Variants in CACNA1B observed in about 807,000 individuals in gnomAD.
CACNA1B encodes calcium voltage-gated channel subunit alpha1 B.
In CACNA1B, 70 loss-of-function variants were observed where a neutral mutation model predicts 247.2. That is an observed-to-expected ratio of 0.28 (90% CI 0.23 to 0.35). The LOEUF is 0.35. CACNA1B is among the 10% of genes least tolerant of loss of function. The probability of loss-of-function intolerance (pLI) is 1.00; values close to 1 mark genes in which losing one functional copy is unlikely to be tolerated. For missense variants in CACNA1B, 2,367 were observed against 3,197.4 expected, an observed-to-expected ratio of 0.74 and a Z score of 6.26; for synonymous variants, 1,231 against 1,294.4, an observed-to-expected ratio of 0.95 and a Z score of 1.05.
chr9:137,970,920 C>T (rs956821264), intron 10 of CACNA1B, among the ~76,000 whole-genome samples: 1 of 152,202 alleles, frequency 6.6e-6, no homozygotes, highest in African/African-American at 2.4e-5. Context: ...GCTTAGAAAA[C>T]AGGCAGCCCA....
chr9:138,070,158 C>G (rs560224920), intron 32 of CACNA1B, among the ~76,000 whole-genome samples: 2 of 152,336 alleles, frequency 1.3e-5, no homozygotes, highest in African/African-American at 2.4e-5. Flanking sequence ...TGTTGCGCAG[C>G]CATCTCCCAC....
intron 20 of CACNA1B, chr9:138,032,804 AT>A (rs747453449): frequency 1.0e-4 from 39 of 385,342 alleles, no homozygotes; most frequent in African/African-American, 8.4e-4. Flanking sequence ...TGCTTTCAAG[AT>A]TTTTTTCCTT....
At position 137,888,620 on chromosome 9, in the gene CACNA1B, A is replaced by C. The variant is rs766707234; in HGVS notation, c.530+5737A>C. 7.3e-4 allele frequency among the ~76,000 whole-genome samples: 111 copies of C among 152,258 alleles called. 1 individual carries two copies. The highest frequency in any genetic ancestry group is 1.5e-3 in the Non-Finnish European group (104 of 67,994). On this transcript the variant is annotated intron_variant, in intron 3 of 46. Transcript: ENST00000371372. This position sits in a 1 kb window ranked among gnomAD's most constrained non-coding sequence, Gnocchi z 4.7. ...TTAAACTGGGATTTCTTTCCAGGAC[A>C]TGTAATTAGAGCCCAGCTTTCTCCC...
rs555674530 is a variant in CACNA1B at position 137,917,886 on chromosome 9, A to G, written c.966+455A>G. ...AAGCTGACTAACTTTCTCCAGCCCG[A>G]GGACCATGGGCAGCTGTTGCTGTGC... On this transcript the variant is annotated intron_variant, in intron 6 of 46. Coordinates refer to ENST00000371372, the MANE Select transcript of CACNA1B (RefSeq NM_000718.4). The surrounding 1 kb of genome is among the most constrained non-coding windows in gnomAD (Gnocchi z 5.5). Among the ~76,000 whole-genome samples the G allele has an allele frequency of 2.6e-5, 4 of 152,324 alleles. No homozygotes were observed. In the East Asian group the frequency reaches 5.8e-4, roughly 22 times the overall value.
chr9:137,920,594 T>G (rs1343368985), intron 6 of CACNA1B, among the ~76,000 whole-genome samples: 1 of 152,230 alleles, frequency 6.6e-6, no homozygotes, highest in East Asian at 1.9e-4. Flanking sequence ...GTCATGGGCT[T>G]GTCCAAATTA....
chr9:137,951,489 C>T (rs759471975), intron 6 of CACNA1B, among the ~76,000 whole-genome samples: 11 of 152,180 alleles, frequency 7.2e-5, no homozygotes, highest in African/African-American at 1.2e-4. Context: ...CGTCCAGGAA[C>T]GGGACTAGGG....
chr9:137,973,924 C>T lies in CACNA1B; in HGVS notation c.1544-1983C>T, dbSNP rs1242986092. On this transcript the variant is annotated intron_variant, in intron 11 of 46. Transcript: ENST00000371372. The surrounding 1 kb of genome is among the most constrained non-coding windows in gnomAD (Gnocchi z 4.1). The stretch of plus-strand genomic sequence containing the variant: ...TTGCAAAGTGCTCTCACTTTGGTCT[C>T]CTGGGGAGCAAGGTGTGTGCCTGGG... 1.3e-5 allele frequency among the ~76,000 whole-genome samples: 2 copies of T among 152,170 alleles called. No homozygotes were observed. The highest frequency in any genetic ancestry group is 2.9e-5 in the Non-Finnish European group (2 of 68,022).
intron 20 of CACNA1B, among the ~76,000 whole-genome samples, chr9:138,035,853 T>G (rs1283150548): frequency 6.6e-6 from 1 of 152,220 alleles, no homozygotes; most frequent in Non-Finnish European, 1.5e-5. Context: ...TTTAAAACTT[T>G]AAGTTTCTCT....
At chr9:138,087,397 A>AG (rs1960729001) in intron 36 of CACNA1B, among the ~76,000 whole-genome samples, 1 of 145,416 alleles carries the variant, frequency 6.9e-6, no homozygotes, top group South Asian at 2.1e-4. Context: ...AAAAAAAAAA[A>AG]AAAAAAGAAA....
intron 36 of CACNA1B, among the ~76,000 whole-genome samples, chr9:138,079,387 G>T (rs908845300): frequency 6.6e-6 from 1 of 152,120 alleles, no homozygotes; most frequent in South Asian, 2.1e-4. Flanking sequence ...GGAGTGGGCG[G>T]AGAGAGGAAG....
rs140545490 is a variant in CACNA1B at position 138,037,675 on chromosome 9, A to T, written c.3287-6099A>T. Among the ~76,000 whole-genome samples, 892 of 152,108 alleles carry T rather than the reference A, an allele frequency of 5.9e-3. 3 individuals are homozygous for T. Among genetic ancestry groups the T allele is most frequent in the Non-Finnish European group, 8.9e-3 (606 of 67,996 alleles). On this transcript the variant is annotated intron_variant, in intron 20 of 46. Transcript: ENST00000371372. The stretch of plus-strand genomic sequence containing the variant: ...CTCTGTCTCAAAAAAAACAAACAAA[A>T]AAAAAAAGAGAGAAAAAATCCAGTT...
intron 15 of CACNA1B, among the ~76,000 whole-genome samples, chr9:138,006,499 G>C (rs12555306): frequency 6.6e-6 from 1 of 152,174 alleles, no homozygotes; most frequent in Non-Finnish European, 1.5e-5. Flanking sequence ...CCTGTTGGGA[G>C]CTCCCTTTTC....
At chr9:138,096,640 T>C in intron 37 of CACNA1B, 29 bp downstream of exon 37, 3 of 1,602,212 alleles carry the variant, frequency 1.9e-6, no homozygotes, top group Non-Finnish European at 2.6e-6. Flanking sequence ...TCTGTGGTCC[T>C]TGGGGGTGGT....
intron 6 of CACNA1B, among the ~76,000 whole-genome samples, chr9:137,935,798 G>A (rs747539025): frequency 2.7e-5 from 4 of 150,524 alleles, no homozygotes; most frequent in African/African-American, 4.9e-5. Flanking sequence ...TTTTTTTGAC[G>A]GAGTCTCACT....
intron 39 of CACNA1B, among the ~76,000 whole-genome samples, chr9:138,107,640 T>A (rs1354215970): frequency 6.6e-6 from 1 of 152,106 alleles, no homozygotes; most frequent in Non-Finnish European, 1.5e-5. Context: ...ACTTCTGCCC[T>A]TGGCCCCTTC....
intron 16 of CACNA1B, among the ~76,000 whole-genome samples, chr9:138,008,911 A>G (rs1220293775): frequency 1.3e-5 from 2 of 152,226 alleles, no homozygotes; most frequent in Admixed American, 1.3e-4. Context: ...CCCAAATGCC[A>G]GCAGGGCCTG....
In CACNA1B at chr9:137,971,574, C is replaced by A; in HGVS notation, c.1525C>A (p.Arg509=). 3 of 1,613,046 alleles carry A rather than the reference C, an allele frequency of 1.9e-6. No individual in the cohort carries two copies. Among genetic ancestry groups the A allele is most frequent in the Non-Finnish European group, 8.5e-7 (1 of 1,179,414 alleles). The change falls in exon 11 of 47, where the codon CGG becomes AGG. Residue 509 remains arginine (R), a synonymous_variant. Transcript: ENST00000371372. This position sits in a 1 kb window ranked among gnomAD's most constrained non-coding sequence, Gnocchi z 4.4. ...VAMVHYNQPR[R]LTTTLYFAEF... Reference sequence around the variant, plus strand: ...CATGGTGCATTACAACCAGCCGCGGCGGCTTACCACGACCCTGTGTACGTA... The same window carrying A: ...CATGGTGCATTACAACCAGCCGCGGAGGCTTACCACGACCCTGTGTACGTA...
chr9:137,922,485 G>A lies in CACNA1B; in HGVS notation c.966+5054G>A, dbSNP rs547538600. Among the ~76,000 whole-genome samples the A allele has an allele frequency of 1.2e-3, 183 of 152,324 alleles. 1 individual carries two copies. The highest frequency in any genetic ancestry group is 4.0e-3 in the African/African-American group (165 of 41,578). On this transcript the variant is annotated intron_variant, in intron 6 of 46. Transcript: ENST00000371372. The stretch of plus-strand genomic sequence containing the variant: ...GGAGGTCAAGGAAGATGGGAAGCCC[G>A]GACTGTTGCGTTTGATAAGAGGAAG...
chr9:137,985,920 G>T (rs1033585091), intron 13 of CACNA1B, among the ~76,000 whole-genome samples: 1 of 152,238 alleles, frequency 6.6e-6, no homozygotes, highest in Admixed American at 6.5e-5. Context: ...TGGTGAGGGG[G>T]CACTGGAGCC....
Sources: gnomAD v4.1 joint callset for allele counts (sites outside exome capture counted in the v4.1 genomes callset) on GRCh38, gnomAD v4.1.1 for gene constraint, Gnocchi (gnomAD v3.1) non-coding constraint, MANE v1.5 for transcripts, NCBI Gene and HGNC (gene_info 2026-07-23, HGNC 2026-07-21) for gene names.